The following CCNG1 variants were observed in gnomAD, a reference collection of about 807,000 sequenced individuals.
The protein encoded by CCNG1 is cyclin G1.
In CCNG1, 13 loss-of-function variants were observed where a neutral mutation model predicts 30.0. That is an observed-to-expected ratio of 0.43 (90% CI 0.28 to 0.69). CCNG1 has a LOEUF of 0.69. Among genes scored for constraint, CCNG1 ranks in the 30% least tolerant of loss-of-function variants. CCNG1 has a pLI of 0.16. For synonymous variants in CCNG1, 110 were observed against 121.5 expected, an observed-to-expected ratio of 0.91 and a Z score of 0.62; for missense variants, 285 against 331.4, an observed-to-expected ratio of 0.86 and a Z score of 1.09.
chr5:163,442,393 C>T lies in CCNG1; in HGVS notation c.716C>T (p.Thr239Ile). Residue 239 changes from threonine (T) to isoleucine (I), a missense_variant, in exon 6 of 7, where the codon ACC becomes ATC. Transcript: ENST00000340828. ...GTACAGATAAATGGCAGAGATCTGACCTTCTGGCAAGAGCTTGTATCCAAA... is the reference window on the plus strand; with the variant it reads ...GTACAGATAAATGGCAGAGATCTGATCTTCTGGCAAGAGCTTGTATCCAAA... ...KHSKINGRDL[T>I]FWQELVSKCL... The T allele has an allele frequency of 6.2e-7, 1 of 1,612,218 alleles. No individual in the cohort carries two copies. The highest frequency in any genetic ancestry group is 8.5e-7 in the Non-Finnish European group (1 of 1,179,216).
intron 1 of CCNG1, 117 bp from the exon 2 acceptor site, chr5:163,439,134 TGCACTA>T (rs1561615224): frequency 1.2e-5 from 10 of 805,068 alleles, no homozygotes; most frequent in African/African-American, 3.5e-5. Context: ...ATGACTTAGA[TGCACTA>T]GCCGCATTGG....
rs1561617757 is a variant in CCNG1 at position 163,441,264 on chromosome 5, G to GCTA, written c.457_459dup (p.Thr153dup). On this transcript the variant is annotated inframe_insertion, in exon 3 of 7. Transcript: ENST00000340828. ...GGAGAAGGTGTGTTGGAAAGTCAAAGCTACTACTGCCTTTCAATTTCTGCA... is the reference window on the plus strand; with the variant it reads ...GGAGAAGGTGTGTTGGAAAGTCAAAGCTACTACTACTGCCTTTCAATTTCTGCA... 1 of 1,613,838 alleles carries GCTA rather than the reference G, an allele frequency of 6.2e-7. No homozygotes were observed. Among genetic ancestry groups the GCTA allele is most frequent in the Admixed American group, 1.7e-5 (1 of 60,006 alleles).
At chr5:163,439,740 T>G (rs1475865917) in intron 2 of CCNG1, 1 of 432,148 alleles carries the variant, frequency 2.3e-6, no homozygotes, top group African/African-American at 2.0e-5. Flanking sequence ...TAATATCAAG[T>G]AACAAATTGC....
chr5:163,449,282 A>G (rs1000408692), downstream of CCNG1: 1 of 150,416 alleles, frequency 6.6e-6, no homozygotes, highest in Non-Finnish European at 1.5e-5. Flanking sequence ...TCCCAAAACT[A>G]ATGAAGTTTA....
chr5:163,452,659 T>C, the CCNG1 span: 1 of 152,138 alleles, frequency 6.6e-6, no homozygotes, highest in African/African-American at 2.4e-5. Flanking sequence ...ACTACCTTAA[T>C]CAGTCATCTA....
At chr5:163,442,196 C>A in intron 5 of CCNG1, 53 bp downstream of exon 5, 3 of 1,232,166 alleles carry the variant, frequency 2.4e-6, no homozygotes, top group Non-Finnish European at 3.5e-6. Context: ...AGAAACTAAA[C>A]CCCTTCTATC....
the CCNG1 span, among the ~76,000 whole-genome samples, chr5:163,454,477 G>A: frequency 2.6e-5 from 4 of 152,088 alleles, no homozygotes; most frequent in African/African-American, 4.8e-5. Context: ...GAGTAGCTGC[G>A]ATTACAGGCA....
intron 2 of CCNG1, among the ~76,000 whole-genome samples, chr5:163,440,805 C>T (rs1757775674): frequency 6.6e-6 from 1 of 152,098 alleles, no homozygotes; most frequent in Non-Finnish European, 1.5e-5. Context: ...TATAGTTCTA[C>T]AGTGATTAAT....
chr5:163,454,052 T>C, the CCNG1 span: 1 of 1,512,036 alleles, frequency 6.6e-7, no homozygotes, highest in Non-Finnish European at 9.0e-7. Context: ...ACCAGGATTC[T>C]AAAAGATACA....
downstream of CCNG1, chr5:163,448,425 T>C (rs914907623): frequency 5.3e-5 from 8 of 152,098 alleles, no homozygotes; most frequent in Admixed American, 6.5e-5. Flanking sequence ...TGAACAACTC[T>C]ATGCACATAG....
Position 163,442,034 on chromosome 5 carries a change from A to C in CCNG1, c.598-11A>C, listed in dbSNP as rs1422044214. ...TATATTTGGCATTTACTTTAAATTTATCTCTTTTAGCCTTCTGTGTTGGCA... is the reference window on the plus strand; with the variant it reads ...TATATTTGGCATTTACTTTAAATTTCTCTCTTTTAGCCTTCTGTGTTGGCA... On this transcript the variant is annotated splice_polypyrimidine_tract_variant and intron_variant, in intron 4 of 6. Coordinates refer to ENST00000340828, the MANE Select transcript of CCNG1 (RefSeq NM_004060.4). 15 of 1,605,052 alleles carry C rather than the reference A, an allele frequency of 9.3e-6. No homozygotes were observed. The highest frequency in any genetic ancestry group is 1.6e-4 in the Middle Eastern group (1 of 6,064).
the CCNG1 span, chr5:163,452,774 G>GT: frequency 6.6e-6 from 1 of 152,108 alleles, no homozygotes; most frequent in Admixed American, 6.5e-5. Context: ...TAATCATGAA[G>GT]TATCAGACAG....
the CCNG1 span, among the ~76,000 whole-genome samples, chr5:163,456,087 A>G: frequency 1.3e-5 from 2 of 152,196 alleles, no homozygotes; most frequent in Non-Finnish European, 2.9e-5. Flanking sequence ...CAACTTGGAC[A>G]TGTTGAGCTT....
chr5:163,442,312 T>C, intron 5 of CCNG1, 62 bp from the exon 6 acceptor site: 1 of 1,287,426 alleles, frequency 7.8e-7, no homozygotes. Context: ...CATTTATTAA[T>C]GTAGTTAAAT....
the CCNG1 span, chr5:163,452,347 G>T: frequency 6.6e-6 from 1 of 152,122 alleles, no homozygotes; most frequent in South Asian, 2.1e-4. Flanking sequence ...GTTAGGTCGA[G>T]GACAGCATGA....
At chr5:163,449,971 T>C (rs945609294), downstream of CCNG1, 5 of 152,218 alleles carry the variant, frequency 3.3e-5, no homozygotes, top group East Asian at 5.8e-4. Flanking sequence ...AAAAAATCCA[T>C]AGGCCGGGCA....
chr5:163,450,542 C>T (rs1037758432), downstream of CCNG1: 5 of 152,050 alleles, frequency 3.3e-5, no homozygotes, highest in African/African-American at 9.7e-5. Flanking sequence ...AAGGAAGATA[C>T]ACAAATAGCC....
the CCNG1 span, chr5:163,457,050 G>A: frequency 4.3e-6 from 7 of 1,610,322 alleles, no homozygotes; most frequent in East Asian, 1.3e-4. Context: ...CTTTGTCTTT[G>A]TAAGAACAAT....
Position 163,444,128 on chromosome 5 carries a change from T to G in CCNG1, c.*458T>G, listed in dbSNP as rs1757963204. ...TGAGGTTTATGTCAAAAGCAACATT[T>G]CACAAATGTACTTTTAAGGCATAAT... On this transcript the variant is annotated 3_prime_UTR_variant, in exon 7 of 7. Transcript: ENST00000340828. The G allele has an allele frequency of 6.2e-6, 1 of 161,396 alleles. No individual in the cohort carries two copies. Among genetic ancestry groups the G allele is most frequent in the South Asian group, 1.9e-4 (1 of 5,376 alleles). 10.0% of individuals were successfully genotyped at this position (161,396 alleles called of 1,614,324 possible).
Sources: gnomAD v4.1 joint callset for allele counts (sites outside exome capture counted in the v4.1 genomes callset) on GRCh38, gnomAD v4.1.1 for gene constraint, MANE v1.5 for transcripts, NCBI Gene and HGNC (gene_info 2026-07-23, HGNC 2026-07-21) for gene names.